The following ADGRL3 variants were observed in gnomAD, a reference collection of about 807,000 sequenced individuals.
The protein encoded by ADGRL3 is adhesion G protein-coupled receptor L3.
A neutral mutation model predicts 153.5 loss-of-function variants in ADGRL3; 62 were observed. The observed-to-expected ratio is 0.40, with a 90% confidence interval of 0.33 to 0.50. The LOEUF (loss-of-function observed/expected upper bound fraction) is 0.50, where lower values mean the gene tolerates loss of function less well. ADGRL3 is among the 20% of genes least tolerant of loss of function. The pLI is 0.47. For synonymous variants in ADGRL3, 710 were observed against 672.5 expected (o/e 1.06, Z -0.86); for missense variants, 1,641 against 1,859.4 (o/e 0.88, Z 2.16).
chr4:61,515,705 T>G (rs1310240744), intron 3 of ADGRL3, among the ~76,000 whole-genome samples: 1 of 152,178 alleles, frequency 6.6e-6, no homozygotes, highest in Non-Finnish European at 1.5e-5. Context: ...GATAATCTAT[T>G]TTGATAAGGT....
At chr4:61,482,563 G>T (rs1184566576) in intron 2 of ADGRL3, among the ~76,000 whole-genome samples, 1 of 152,106 alleles carries the variant, frequency 6.6e-6, no homozygotes, top group Admixed American at 6.6e-5. Context: ...ACTGAACAAA[G>T]AAATGATTTA....
chr4:61,870,673 C>T (rs1265974488), intron 9 of ADGRL3, among the ~76,000 whole-genome samples: 1 of 152,024 alleles, frequency 6.6e-6, no homozygotes, highest in East Asian at 1.9e-4. Context: ...ATACAAATGG[C>T]CAATAAGCAC....
chr4:61,240,537 G>T (rs1159390532), intron 1 of ADGRL3, among the ~76,000 whole-genome samples: 1 of 152,106 alleles, frequency 6.6e-6, no homozygotes, highest in Non-Finnish European at 1.5e-5. Flanking sequence ...CTATGAAACA[G>T]ATGTAGATGT....
At chr4:61,749,235 A>G (rs2096718040) in intron 8 of ADGRL3, among the ~76,000 whole-genome samples, 1 of 151,872 alleles carries the variant, frequency 6.6e-6, no homozygotes, top group Non-Finnish European at 1.5e-5. Flanking sequence ...GATGTGGAGA[A>G]ATAGGAACAC....
intron 19 of ADGRL3, among the ~76,000 whole-genome samples, chr4:61,984,776 A>AACT (rs574506867): frequency 1.1e-3 from 173 of 152,276 alleles, no homozygotes; most frequent in African/African-American, 4.1e-3. Flanking sequence ...CCTCCCAAGT[A>AACT]GTGCAACAGC....
intron 9 of ADGRL3, among the ~76,000 whole-genome samples, chr4:61,833,342 CAG>C (rs1365277691): frequency 2.6e-5 from 4 of 152,124 alleles, no homozygotes; most frequent in Non-Finnish European, 4.4e-5. Context: ...TTTATCAAGA[CAG>C]GGGAATTGCA....
intron 15 of ADGRL3, among the ~76,000 whole-genome samples, chr4:61,938,056 C>CTGTTTT (rs1287844930): frequency 1.3e-5 from 2 of 152,044 alleles, no homozygotes; most frequent in African/African-American, 4.8e-5. Context: ...CACACCCAGC[C>CTGTTTT]TGTTTTTGTT....
chr4:61,979,788 T>C lies in ADGRL3; in HGVS notation c.3015+16T>C, dbSNP rs1367226461. The C allele has an allele frequency of 1.2e-6, 2 of 1,600,446 alleles. No individual in the cohort carries two copies. The highest frequency in any genetic ancestry group is 2.2e-5 in the South Asian group (2 of 90,656). On this transcript the variant is annotated intron_variant, in intron 18 of 26. Transcript: ENST00000683033. ...TGACCAACCAGTAAGCAACCTACAT[T>C]GATACCAGTGAAGAATTTTTCCACT...
intron 4 of ADGRL3, among the ~76,000 whole-genome samples, chr4:61,540,636 T>C (rs189325152): frequency 2.5e-4 from 38 of 152,324 alleles, no homozygotes; most frequent in Admixed American, 1.0e-3. Context: ...TTTTAGATAT[T>C]AAAATTATTA....
At chr4:61,601,853 G>A (rs939467242) in intron 5 of ADGRL3, among the ~76,000 whole-genome samples, 11 of 152,048 alleles carry the variant, frequency 7.2e-5, no homozygotes, top group African/African-American at 2.7e-4. Context: ...TCATTTTAAG[G>A]TCTTTCAAAC....
At chr4:61,489,652 A>G (rs2098235914) in intron 2 of ADGRL3, among the ~76,000 whole-genome samples, 1 of 152,046 alleles carries the variant, frequency 6.6e-6, no homozygotes, top group Admixed American at 6.6e-5. Flanking sequence ...ATACTAAAAA[A>G]TGCAAAAGCT....
chr4:61,696,649 C>G (rs1466844405), intron 6 of ADGRL3, among the ~76,000 whole-genome samples: 2 of 148,186 alleles, frequency 1.3e-5, no homozygotes, highest in Non-Finnish European at 3.0e-5. Flanking sequence ...GATACATTCC[C>G]TAAGTTCCTT....
At chr4:61,449,729 C>A (rs2097651219) in intron 2 of ADGRL3, among the ~76,000 whole-genome samples, 1 of 152,064 alleles carries the variant, frequency 6.6e-6, no homozygotes, top group Non-Finnish European at 1.5e-5. Context: ...ACATCTCATT[C>A]TTTAGGTAAA....
chr4:61,570,660 C>T (rs1337005033), intron 4 of ADGRL3, among the ~76,000 whole-genome samples: 3 of 152,156 alleles, frequency 2.0e-5, no homozygotes, highest in Non-Finnish European at 4.4e-5. Context: ...CTGTCTCTCA[C>T]AATCGGAAAT....
At chr4:61,590,010 C>T (rs1402795977) in intron 5 of ADGRL3, among the ~76,000 whole-genome samples, 4 of 151,974 alleles carry the variant, frequency 2.6e-5, no homozygotes, top group Non-Finnish European at 5.9e-5. Context: ...CCATTCTGTC[C>T]ACCACCCACC....
At chr4:61,851,890 T>C (rs1391093345) in intron 9 of ADGRL3, among the ~76,000 whole-genome samples, 1 of 152,216 alleles carries the variant, frequency 6.6e-6, no homozygotes, top group South Asian at 2.1e-4. Flanking sequence ...ATAATAGACT[T>C]GTTTTGCCAC....
At chr4:61,286,624 ATAAT>A (rs895170664) in intron 1 of ADGRL3, among the ~76,000 whole-genome samples, 34 of 151,884 alleles carry the variant, frequency 2.2e-4, no homozygotes, top group African/African-American at 5.1e-4. Flanking sequence ...GATTGTGCAA[ATAAT>A]TAAATATAAT....
chr4:62,068,279 T>C, intron 26 of ADGRL3, 96 bp downstream of exon 26: 1 of 1,131,482 alleles, frequency 8.8e-7, no homozygotes, highest in Non-Finnish European at 1.2e-6. Context: ...TTAAAAACAG[T>C]TCATCTCACA....
intron 24 of ADGRL3, among the ~76,000 whole-genome samples, chr4:62,040,366 A>T (rs534702678): frequency 6.6e-6 from 1 of 151,954 alleles, no homozygotes; most frequent in Non-Finnish European, 1.5e-5. Flanking sequence ...TCTTATACTT[A>T]ATATAATACT....
Sources: allele counts gnomAD v4.1 joint callset (sites outside exome capture counted in the v4.1 genomes callset), GRCh38; gene constraint gnomAD v4.1.1; transcripts MANE v1.5; gene names NCBI Gene and HGNC (gene_info 2026-07-23, HGNC 2026-07-21).